The following CAMK2D variants were observed in gnomAD, a reference collection of about 807,000 sequenced individuals.
CAMK2D encodes calcium/calmodulin dependent protein kinase II delta.
A neutral mutation model predicts 84.0 loss-of-function variants in CAMK2D; 37 were observed. The ratio of observed to expected loss-of-function variants is 0.44; its 90% CI spans 0.34 to 0.58. CAMK2D has a LOEUF of 0.58. CAMK2D is among the 20% of genes least tolerant of loss of function. The pLI is 0.02. For synonymous variants in CAMK2D, 202 were observed against 212.5 expected, an observed-to-expected ratio of 0.95 and a Z score of 0.43; for missense variants, 448 against 652.5, an observed-to-expected ratio of 0.69 and a Z score of 3.41.
intron 2 of CAMK2D, among the ~76,000 whole-genome samples, chr4:113,695,142 C>T (rs764202834): frequency 6.6e-6 from 1 of 152,142 alleles, no homozygotes; most frequent in Non-Finnish European, 1.5e-5. Context: ...TGTTCCTCCA[C>T]ATCTCCCAAG....
chr4:113,754,483 T>C, intron 2 of CAMK2D: 1 of 931,468 alleles, frequency 1.1e-6, no homozygotes, highest in Non-Finnish European at 1.3e-6. Context: ...TTTTAATTTT[T>C]ATATTCAGTT....
chr4:113,666,243 A>G (rs1479339681), intron 2 of CAMK2D, among the ~76,000 whole-genome samples: 2 of 152,238 alleles, frequency 1.3e-5, no homozygotes, highest in Non-Finnish European at 2.9e-5. Flanking sequence ...ATCAATAAGC[A>G]AATTTCAAAA....
chr4:113,480,997 A>T (rs1226378966), intron 16 of CAMK2D, among the ~76,000 whole-genome samples: 1 of 152,114 alleles, frequency 6.6e-6, no homozygotes, highest in Non-Finnish European at 1.5e-5. Flanking sequence ...AGCCTCCAAA[A>T]CTGTGAAAAA....
rs541324195 is a variant in CAMK2D, at chr4:113,626,917, T to C, written c.221-17711A>G. The stretch of plus-strand genomic sequence containing the variant: ...GGTATGATGAATCAGGCTCATATAA[T>C]CCAGAGACCAGGGAATTCAGACACA... On this transcript the variant is annotated intron_variant, in intron 3 of 20. Coordinates refer to ENST00000511664, the MANE Select transcript of CAMK2D (RefSeq NM_001321571.2). Among the ~76,000 whole-genome samples the C allele has an allele frequency of 4.3e-4, 66 of 152,268 alleles. 1 individual carries two copies. The highest frequency in any genetic ancestry group is 1.5e-3 in the African/African-American group (63 of 41,556).
chr4:113,553,051 AT>A (rs1439376671), intron 4 of CAMK2D, among the ~76,000 whole-genome samples: 1 of 152,180 alleles, frequency 6.6e-6, no homozygotes, highest in African/African-American at 2.4e-5. Flanking sequence ...TTAAAAGGAC[AT>A]TTCATCTTTG....
intron 8 of CAMK2D, among the ~76,000 whole-genome samples, chr4:113,530,027 A>G (rs752739699): frequency 2.0e-4 from 31 of 152,240 alleles, no homozygotes; most frequent in Non-Finnish European, 3.8e-4. Flanking sequence ...TGTCATTTAA[A>G]CAGCTGTCCA....
At chr4:113,721,745 T>C (rs1469061223) in intron 2 of CAMK2D, among the ~76,000 whole-genome samples, 3 of 152,206 alleles carry the variant, frequency 2.0e-5, no homozygotes, top group African/African-American at 4.8e-5. Context: ...TGGTGGCTTC[T>C]AATCCCAGCA....
intron 4 of CAMK2D, among the ~76,000 whole-genome samples, chr4:113,579,363 G>A (rs2098798059): frequency 6.6e-6 from 1 of 152,086 alleles, no homozygotes; most frequent in Admixed American, 6.6e-5. Context: ...GATATGGTTT[G>A]GATATTTGTT....
In CAMK2D at chr4:113,729,921, T is replaced by C. The variant is rs79725327; in HGVS notation, c.160+29399A>G. Among the ~76,000 whole-genome samples the C allele has an allele frequency of 0.015, 2,240 of 152,272 alleles. 90 individuals carry two copies. In the East Asian group the frequency reaches 0.15, roughly 10 times the overall value. ...CAACTAGGGATTTGATCTTGGACTT[T>C]CCAGCCTCTAGAACTGTGAGAAATA... is the stretch of plus-strand genomic sequence containing the variant. On this transcript the variant is annotated intron_variant, in intron 2 of 20. Coordinates refer to ENST00000511664, the MANE Select transcript of CAMK2D (RefSeq NM_001321571.2).
chr4:113,575,670 T>C (rs766647611), intron 4 of CAMK2D, among the ~76,000 whole-genome samples: 9 of 152,214 alleles, frequency 5.9e-5, no homozygotes, highest in Non-Finnish European at 1.3e-4. Flanking sequence ...CTTCTTGTTA[T>C]TGCAATCAGT....
intron 4 of CAMK2D, among the ~76,000 whole-genome samples, chr4:113,585,250 T>C (rs1204379565): frequency 6.6e-6 from 1 of 152,148 alleles, no homozygotes; most frequent in Non-Finnish European, 1.5e-5. Context: ...GCAAGAGTAA[T>C]TGATTAATTA....
chr4:113,503,034 T>C, intron 14 of CAMK2D, 57 bp from the exon 15 acceptor site: 1 of 1,235,986 alleles, frequency 8.1e-7, no homozygotes, highest in Non-Finnish European at 1.2e-6. Flanking sequence ...ACATTCTTTC[T>C]AGTGTGAAGG....
chr4:113,527,399 G>C (rs2098426192), intron 8 of CAMK2D, among the ~76,000 whole-genome samples: 1 of 151,944 alleles, frequency 6.6e-6, no homozygotes, highest in African/African-American at 2.4e-5. Context: ...ACTGGGCCTG[G>C]CTATTTTAAA....
intron 3 of CAMK2D, among the ~76,000 whole-genome samples, chr4:113,648,799 A>C (rs1481932283): frequency 1.3e-5 from 2 of 152,180 alleles, no homozygotes. Flanking sequence ...GGATGCTCAC[A>C]TGGTAAGAAG....
At chr4:113,689,190 G>A (rs1355340938) in intron 2 of CAMK2D, among the ~76,000 whole-genome samples, 1 of 152,100 alleles carries the variant, frequency 6.6e-6, no homozygotes, top group Non-Finnish European at 1.5e-5. Flanking sequence ...AGGCTGCAGT[G>A]AGCTGAGATT....
At chr4:113,540,548 G>C (rs2098523667) in intron 6 of CAMK2D, among the ~76,000 whole-genome samples, 1 of 152,098 alleles carries the variant, frequency 6.6e-6, no homozygotes, top group Non-Finnish European at 1.5e-5. Flanking sequence ...TTACCTATAT[G>C]GACTTGGGCA....
chr4:113,723,983 T>C (rs112675902), intron 2 of CAMK2D, among the ~76,000 whole-genome samples: 1,637 of 152,262 alleles, frequency 0.011, 46 homozygotes, highest in African/African-American at 0.037. Flanking sequence ...ATATAACATA[T>C]TGATGTTATA....
Position 113,483,453 on chromosome 4 carries a change from T to A in CAMK2D, c.1135+17010A>T, listed in dbSNP as rs142318356. 9.3e-3 allele frequency among the ~76,000 whole-genome samples: 1,408 copies of A among 152,032 alleles called. 25 individuals are homozygous for A. The highest frequency in any genetic ancestry group is 0.032 in the African/African-American group (1,332 of 41,444). ...AGAGTTTTGCTTTTGTCGCGCAGGCTGGAGTGCAGTGGCACAATCTCGGCT... is the reference window on the plus strand; with the variant it reads ...AGAGTTTTGCTTTTGTCGCGCAGGCAGGAGTGCAGTGGCACAATCTCGGCT... On this transcript the variant is annotated intron_variant, in intron 16 of 20. Transcript: ENST00000511664.
At chr4:113,739,296 T>C (rs1250040438) in intron 2 of CAMK2D, among the ~76,000 whole-genome samples, 1 of 152,166 alleles carries the variant, frequency 6.6e-6, no homozygotes, top group East Asian at 1.9e-4. Context: ...AATTTCAATC[T>C]ACTTCTCCTC....
Sources: allele counts gnomAD v4.1 joint callset (sites outside exome capture counted in the v4.1 genomes callset), GRCh38; gene constraint gnomAD v4.1.1; transcripts MANE v1.5; gene names NCBI Gene and HGNC (gene_info 2026-07-23, HGNC 2026-07-21).